Variants in ANKRD33B observed in about 807,000 individuals in gnomAD.
ANKRD33B encodes the protein ankyrin repeat domain 33B, also known as ankyrin repeat domain-containing protein 33B.
A neutral mutation model predicts 21.5 loss-of-function variants in ANKRD33B; 6 were observed. That is an observed-to-expected ratio of 0.28 (90% CI 0.15 to 0.55). ANKRD33B has a LOEUF of 0.55. Among genes scored for constraint, ANKRD33B ranks in the 20% least tolerant of loss-of-function variants. The pLI is 0.94. For missense variants in ANKRD33B, 698 were observed against 747.2 expected (o/e 0.93, Z 0.77); for synonymous variants, 347 against 342.4 (o/e 1.01, Z -0.15).
intron 2 of ANKRD33B, among the ~76,000 whole-genome samples, chr5:10,629,923 A>G (rs1202850951): frequency 6.6e-6 from 1 of 152,210 alleles, no homozygotes; most frequent in Non-Finnish European, 1.5e-5. Context: ...TCTCATTGTA[A>G]GAAGGTCACT....
intron 3 of ANKRD33B, among the ~76,000 whole-genome samples, chr5:10,644,908 T>G (rs1737158802): frequency 6.6e-6 from 1 of 152,084 alleles, no homozygotes; most frequent in Admixed American, 6.5e-5. Context: ...TTGGGAAGAA[T>G]GGAAGCTAAG....
At chr5:10,626,944 T>A (rs1736565968) in intron 2 of ANKRD33B, among the ~76,000 whole-genome samples, 1 of 152,232 alleles carries the variant, frequency 6.6e-6, no homozygotes, top group South Asian at 2.1e-4. Flanking sequence ...TATTATTTGC[T>A]ATGGCAACTG....
intron 2 of ANKRD33B, among the ~76,000 whole-genome samples, chr5:10,626,212 G>A (rs1736541684): frequency 6.6e-6 from 1 of 152,264 alleles, no homozygotes; most frequent in African/African-American, 2.4e-5. Flanking sequence ...GGCAGGTGCT[G>A]TTGGTGCAGG....
intron 1 of ANKRD33B, among the ~76,000 whole-genome samples, chr5:10,582,753 C>T (rs114133564): frequency 0.01 from 1,589 of 152,332 alleles, 27 homozygotes; most frequent in African/African-American, 0.034. Flanking sequence ...CTCAGAGTTC[C>T]CCTCCCATGG....
At chr5:10,590,715 A>C (rs1735666768) in intron 1 of ANKRD33B, among the ~76,000 whole-genome samples, 1 of 152,076 alleles carries the variant, frequency 6.6e-6, no homozygotes, top group Admixed American at 6.6e-5. Context: ...AAAAGATTGG[A>C]TACCCCTCCC....
Position 10,652,823 on chromosome 5 carries a change from C to A in ANKRD33B, c.*2710C>A. The A allele has an allele frequency of 3.3e-6, 1 of 298,868 alleles. No homozygotes were observed. Among genetic ancestry groups the A allele is most frequent in the Non-Finnish European group, 7.0e-6 (1 of 143,204 alleles). The allele number at this position is 298,868 out of a possible 1,614,324, so 18.5% of individuals were successfully genotyped here. A position where few individuals can be genotyped will look rare whatever the true frequency, so the allele number is the denominator to read the frequency against. Reference sequence around the variant, plus strand: ...AGCACAGGGATTGTCCAGTGATGCTCCTGGTGTCCACAAAACAGCTCTAGA... The same window carrying A: ...AGCACAGGGATTGTCCAGTGATGCTACTGGTGTCCACAAAACAGCTCTAGA... On this transcript the variant is annotated 3_prime_UTR_variant, in exon 4 of 4. Transcript: ENST00000296657. This position sits in a 1 kb window ranked among gnomAD's most constrained non-coding sequence, Gnocchi z 4.1.
chr5:10,611,325 T>C (rs990936028), intron 1 of ANKRD33B, among the ~76,000 whole-genome samples: 3 of 152,200 alleles, frequency 2.0e-5, no homozygotes, highest in Admixed American at 6.5e-5. Context: ...TACTTTTCTC[T>C]ATATTTGGAC....
rs11301499 is a variant in ANKRD33B at position 10,570,903 on chromosome 5, C to CTTT, written c.366+6086_366+6088dup. 4.2e-3 allele frequency among the ~76,000 whole-genome samples: 535 copies of CTTT among 126,812 alleles called. 3 individuals are homozygous for CTTT. The highest frequency in any genetic ancestry group is 0.015 in the African/African-American group (511 of 33,148). 83.2% of individuals were successfully genotyped at this position (126,812 alleles called of 152,430 possible). On this transcript the variant is annotated intron_variant, in intron 1 of 3. Transcript: ENST00000296657. ...TCTTTAACAACATGACTCAAATAAC[C>CTTT]TTTTTTTTTTTTTTTTTTGTCAATT...
chr5:10,637,120 T>C (rs1026553939), intron 2 of ANKRD33B, among the ~76,000 whole-genome samples: 11 of 152,068 alleles, frequency 7.2e-5, no homozygotes, highest in African/African-American at 2.4e-4. Context: ...CAAGGACTTA[T>C]GAGCTAGCCG....
chr5:10,590,091 CT>C (rs1735648731), intron 1 of ANKRD33B, among the ~76,000 whole-genome samples: 1 of 151,344 alleles, frequency 6.6e-6, no homozygotes, highest in Admixed American at 6.6e-5. Flanking sequence ...ATTTTTGATT[CT>C]TTATTGATTC....
chr5:10,621,537 G>A (rs1363090437), intron 2 of ANKRD33B, among the ~76,000 whole-genome samples: 1 of 152,166 alleles, frequency 6.6e-6, no homozygotes, highest in East Asian at 1.9e-4. Context: ...TGTGCACAAA[G>A]TGGTGATACT....
chr5:10,649,671 C>A lies in ANKRD33B; in HGVS notation c.1043C>A (p.Ala348Glu), dbSNP rs769639573. 3.1e-5 allele frequency: 47 copies of A among 1,528,274 alleles called. No homozygotes were observed. In the Admixed American group the frequency reaches 9.1e-4, roughly 30 times the overall value. The allele number at this position is 1,528,274 out of a possible 1,614,324, so 94.7% of individuals were successfully genotyped here. Reference sequence around the variant, plus strand: ...CTGGCGGTGCAGGAGATCCTGGCGGCGCGGGCTGCACGGGGCCCCCAGGCG... The same window carrying A: ...CTGGCGGTGCAGGAGATCCTGGCGGAGCGGGCTGCACGGGGCCCCCAGGCG... ...RRLAVQEILA[A>E]RAARGPQAQE... Residue 348 changes from alanine (A) to glutamate (E), a missense_variant, in exon 4 of 4, where the codon GCG becomes GAG. Ala to Glu is a moderately radical substitution (Grantham distance 107, BLOSUM62 -1). Coordinates refer to ENST00000296657, the MANE Select transcript of ANKRD33B (RefSeq NM_001164440.2).
rs764586924 is a variant in ANKRD33B at position 10,649,940 on chromosome 5, C to T, written c.1312C>T (p.Pro438Ser). 5.2e-6 allele frequency: 8 copies of T among 1,528,616 alleles called. No homozygotes were observed. Among genetic ancestry groups the T allele is most frequent in the South Asian group, 1.2e-5 (1 of 83,316 alleles). The allele number at this position is 1,528,616 out of a possible 1,614,324, so 94.7% of individuals were successfully genotyped here. The change falls in exon 4 of 4, where the codon CCC (proline) becomes TCC (serine). Residue 438 changes from proline (P) to serine (S), a missense_variant. Around this residue, in one of 3 missense-constraint regions of ANKRD33B, gnomAD observed 543 missense variants for 566.5 expected, o/e 0.96. Transcript: ENST00000296657. ...VSKAPAPTFQ[P>S]ERPARKGSTK... ...CAAGGCGCCCGCGCCCACCTTCCAGCCCGAGCGGCCGGCGCGGAAGGGCAG... is the reference window on the plus strand; with the variant it reads ...CAAGGCGCCCGCGCCCACCTTCCAGTCCGAGCGGCCGGCGCGGAAGGGCAG...
intron 1 of ANKRD33B, among the ~76,000 whole-genome samples, chr5:10,597,892 G>T (rs1034253505): frequency 1.3e-5 from 2 of 152,144 alleles, no homozygotes; most frequent in Admixed American, 1.3e-4. Context: ...CTAATTCTTG[G>T]TTATATCTTG....
rs1470699979 is a variant in ANKRD33B at position 10,652,582 on chromosome 5, T to G, written c.*2469T>G. 1.9e-5 allele frequency: 3 copies of G among 155,556 alleles called. No individual in the cohort carries two copies. Among genetic ancestry groups the G allele is most frequent in the Non-Finnish European group, 2.9e-5 (2 of 69,426 alleles). 9.6% of individuals were successfully genotyped at this position (155,556 alleles called of 1,614,324 possible). A position where few individuals can be genotyped will look rare whatever the true frequency, so the allele number is the denominator to read the frequency against. On this transcript the variant is annotated 3_prime_UTR_variant, in exon 4 of 4. Transcript: ENST00000296657. The surrounding 1 kb of genome is among the most constrained non-coding windows in gnomAD (Gnocchi z 4.1). ...TTCTACCCCAAGCCTGGGTGTCTGC[T>G]GCCTCCATGTCAAAAATGGACATTT...
Position 10,564,341 on chromosome 5 carries a change from A to C in ANKRD33B, c.-127A>C. 1.6e-6 allele frequency: 1 copy of C among 635,270 alleles called. No homozygotes were observed. The highest frequency in any genetic ancestry group is 2.0e-6 in the Non-Finnish European group (1 of 506,798). 39.4% of individuals were successfully genotyped at this position (635,270 alleles called of 1,614,324 possible). ...AGCCGCCTGGTGCCGGTTTCCGCCG[A>C]GCTGGAGCGCGCGGGCCACGGCTTC... On this transcript the variant is annotated 5_prime_UTR_variant, in exon 1 of 4. Coordinates refer to ENST00000296657, the MANE Select transcript of ANKRD33B (RefSeq NM_001164440.2).
chr5:10,587,534 ATTC>A (rs1735592221), intron 1 of ANKRD33B, among the ~76,000 whole-genome samples: 1 of 150,846 alleles, frequency 6.6e-6, no homozygotes, highest in Non-Finnish European at 1.5e-5. Context: ...GTATTTTATT[ATTC>A]TTCTGATACA....
In ANKRD33B at chr5:10,654,198, C is replaced by T. The variant is rs1737427535; in HGVS notation, c.*4085C>T. On this transcript the variant is annotated 3_prime_UTR_variant, in exon 4 of 4. Transcript: ENST00000296657. ...CAGAGTGAATGAATGGCAGGCCTGC[C>T]AGTGACTGTGCTGATGGCTTAGAAT... is the stretch of plus-strand genomic sequence containing the variant. 1 of 152,432 alleles carries T rather than the reference C, an allele frequency of 6.6e-6. No individual in the cohort carries two copies. Among genetic ancestry groups the T allele is most frequent in the South Asian group, 2.1e-4 (1 of 4,830 alleles). The allele number at this position is 152,432 out of a possible 1,614,324, so 9.4% of individuals were successfully genotyped here. A position where few individuals can be genotyped will look rare whatever the true frequency, so the allele number is the denominator to read the frequency against.
Position 10,657,484 on chromosome 5 carries a change from C to T in ANKRD33B, c.*7371C>T, listed in dbSNP as rs575414903. ...TAGGTTTCTGGATATTGTAAAGATA[C>T]TGAGTACAGATATAACTGTGTAAAT... On this transcript the variant is annotated 3_prime_UTR_variant, in exon 4 of 4. Transcript: ENST00000296657. The T allele has an allele frequency of 6.6e-6, 1 of 152,278 alleles. No individual in the cohort carries two copies. Among genetic ancestry groups the T allele is most frequent in the African/African-American group, 2.4e-5 (1 of 41,420 alleles). The allele number at this position is 152,278 out of a possible 1,614,324, so 9.4% of individuals were successfully genotyped here.
Sources: allele counts gnomAD v4.1 joint callset (sites outside exome capture counted in the v4.1 genomes callset), GRCh38; gene constraint gnomAD v4.1.1; regional missense constraint gnomAD v4.1.1; non-coding constraint Gnocchi (gnomAD v3.1); transcripts MANE v1.5; gene names NCBI Gene and HGNC (gene_info 2026-07-23, HGNC 2026-07-21).